MICAL3: variants seen among roughly 807,000 people sequenced by gnomAD.
MICAL3 encodes the protein [F-actin]-monooxygenase MICAL3.
MICAL3 carries 62 observed loss-of-function variants against 207.4 expected under a neutral mutation model. The ratio of observed to expected loss-of-function variants is 0.30; its 90% confidence interval spans 0.24 to 0.37. The LOEUF (loss-of-function observed/expected upper bound fraction) is 0.37, where lower values mean the gene tolerates loss of function less well. Among genes scored for constraint, MICAL3 ranks in the 10% least tolerant of loss-of-function variants. The probability of loss-of-function intolerance (pLI) is 1.00; values close to 1 mark genes in which losing one functional copy is unlikely to be tolerated. For missense variants in MICAL3, 2,368 were observed against 2,635.6 expected, an observed-to-expected ratio of 0.90 and a Z score of 2.22; for synonymous variants, 1,077 against 1,069.3, an observed-to-expected ratio of 1.01 and a Z score of -0.14.
intron 16 of MICAL3, chr22:17,875,704 G>C (rs1266535060): frequency 2.9e-6 from 1 of 341,396 alleles, no homozygotes; most frequent in Non-Finnish European, 4.8e-6. Context: ...AAAAAAAAAA[G>C]TAGCTCCAGA....
At chr22:17,810,113 G>A (rs1012519336) in intron 28 of MICAL3, among the ~76,000 whole-genome samples, 11 of 147,760 alleles carry the variant, frequency 7.4e-5, no homozygotes, top group South Asian at 2.2e-4. Context: ...CCTAGGCTGG[G>A]GTGCAGTGGC....
rs555898253 is a variant in MICAL3, at chr22:17,830,503, C to T, written c.3055+1351G>A. ...AAGCTGTGCCAGGGCTCAAAGCTGC[C>T]GAGTGATCATCATCAGATGGAGATG... On this transcript the variant is annotated intron_variant, in intron 21 of 31. Coordinates refer to ENST00000441493, the MANE Select transcript of MICAL3 (RefSeq NM_015241.3). 1.4e-3 allele frequency among the ~76,000 whole-genome samples: 212 copies of T among 152,324 alleles called. 2 individuals are homozygous for T. Among genetic ancestry groups the T allele is most frequent in the African/African-American group, 4.1e-3 (170 of 41,574 alleles).
At chr22:17,982,682 T>C (rs979953251) in intron 1 of MICAL3, among the ~76,000 whole-genome samples, 1 of 144,544 alleles carries the variant, frequency 6.9e-6, no homozygotes, top group African/African-American at 2.7e-5. Context: ...AAAAAATTCA[T>C]AACATAACAT....
chr22:17,850,399 A>ATTTTTTTTT (rs1925180634), intron 19 of MICAL3, among the ~76,000 whole-genome samples: 1 of 66,692 alleles, frequency 1.5e-5, no homozygotes, highest in Non-Finnish European at 3.1e-5. Context: ...CTTTTGAATT[A>ATTTTTTTTT]GTTTTTTTTT....
At chr22:17,875,772 T>C (rs1211418693) in intron 16 of MICAL3, among the ~76,000 whole-genome samples, 1 of 151,702 alleles carries the variant, frequency 6.6e-6, no homozygotes, top group Non-Finnish European at 1.5e-5. Flanking sequence ...TCCCTCATGC[T>C]TGCAGCAGAG....
At chr22:17,808,052 G>A (rs2062005926) in intron 29 of MICAL3, among the ~76,000 whole-genome samples, 1 of 152,268 alleles carries the variant, frequency 6.6e-6, no homozygotes, top group East Asian at 1.9e-4. Flanking sequence ...CAGCTTCAAG[G>A]TCCTGAACCA....
At chr22:17,794,092 G>A (rs374578450) in intron 29 of MICAL3, among the ~76,000 whole-genome samples, 2 of 152,332 alleles carry the variant, frequency 1.3e-5, no homozygotes, top group Non-Finnish European at 2.9e-5. Flanking sequence ...GGGGCGGGGG[G>A]CCAGAGCCAC....
rs1340229276 is a variant in MICAL3, at chr22:17,993,142, T to C, written c.-75+31139A>G. On this transcript the variant is annotated intron_variant, in intron 1 of 31. Transcript: ENST00000441493. ...TAGTTAAAATATTTCCTTTTTCCTTTTTCACAGGGAAATGAATGACTCTGA... is the reference window on the plus strand; with the variant it reads ...TAGTTAAAATATTTCCTTTTTCCTTCTTCACAGGGAAATGAATGACTCTGA... 3.3e-5 allele frequency among the ~76,000 whole-genome samples: 5 copies of C among 152,308 alleles called. No homozygotes were observed. The East Asian group carries it at 9.6e-4, about 29-fold the overall frequency.
At chr22:17,941,043 T>C (rs1168411623) in intron 1 of MICAL3, among the ~76,000 whole-genome samples, 1 of 152,170 alleles carries the variant, frequency 6.6e-6, no homozygotes, top group Non-Finnish European at 1.5e-5. Context: ...GATGCTCAGT[T>C]ATGCCTAGGC....
chr22:17,880,793 C>T (rs1237230112), intron 16 of MICAL3, among the ~76,000 whole-genome samples: 2 of 152,144 alleles, frequency 1.3e-5, no homozygotes, highest in African/African-American at 4.8e-5. Context: ...TCAGAAGGAA[C>T]GAAACTCACG....
At position 17,998,279 on chromosome 22, in the gene MICAL3, C is replaced by T. The variant is rs1276760235; in HGVS notation, c.-75+26002G>A. Among the ~76,000 whole-genome samples the T allele has an allele frequency of 9.5e-5, 8 of 84,226 alleles. No homozygotes were observed. The South Asian group carries it at 1.2e-3, about 13-fold the overall frequency. 55.3% of individuals were successfully genotyped at this position (84,226 alleles called of 152,430 possible). ...CTGCGCCATTGCACTCCAGACTGGGCGCGACAGAGCAAGAGACTCCGTCTC... is the reference window on the plus strand; with the variant it reads ...CTGCGCCATTGCACTCCAGACTGGGTGCGACAGAGCAAGAGACTCCGTCTC... On this transcript the variant is annotated intron_variant, in intron 1 of 31. Transcript: ENST00000441493.
At chr22:17,867,696 T>C (rs1353056325) in intron 17 of MICAL3, among the ~76,000 whole-genome samples, 3 of 152,074 alleles carry the variant, frequency 2.0e-5, no homozygotes, top group Non-Finnish European at 1.5e-5. Flanking sequence ...GGAGACGTTA[T>C]GGGGATGGTG....
At chr22:17,842,119 G>C in intron 19 of MICAL3, 102 bp from the exon 20 acceptor site, 2 of 1,155,706 alleles carry the variant, frequency 1.7e-6, no homozygotes, top group Admixed American at 4.2e-5. Context: ...CCAGAATGTG[G>C]GGCAGGACAA....
Position 17,821,454 on chromosome 22 carries a change from G to A in MICAL3, c.3504C>T (p.Phe1168=). The A allele has an allele frequency of 6.5e-7, 1 of 1,545,900 alleles. No homozygotes were observed. Among genetic ancestry groups the A allele is most frequent in the Non-Finnish European group, 8.7e-7 (1 of 1,145,694 alleles). ...CTGTTGAGGGGCTGTGGACTGGAAT[G>A]AACAGAAGAGCTGATTCCTGGGGAG... ...IRSPQESALL[F]IPVHSPSTEG... The change falls in exon 25 of 32, where the codon TTC becomes TTT. Residue 1168 remains phenylalanine, a synonymous_variant. Transcript: ENST00000441493.
chr22:17,869,035 C>T (rs1043856682), intron 17 of MICAL3, among the ~76,000 whole-genome samples: 2 of 152,178 alleles, frequency 1.3e-5, no homozygotes, highest in Non-Finnish European at 2.9e-5. Context: ...AGGCGTCTCA[C>T]CCTGTGGAGA....
chr22:17,791,909 C>T (rs986620187), intron 29 of MICAL3, among the ~76,000 whole-genome samples: 2 of 152,256 alleles, frequency 1.3e-5, no homozygotes, highest in Admixed American at 6.5e-5. Context: ...CGATGCAGGG[C>T]ATCTCAGGAT....
intron 1 of MICAL3, among the ~76,000 whole-genome samples, chr22:17,980,255 G>A (rs1450556583): frequency 6.6e-6 from 1 of 152,216 alleles, no homozygotes; most frequent in Non-Finnish European, 1.5e-5. Flanking sequence ...AGCAGCTCAG[G>A]GCAGGGGAAT....
intron 1 of MICAL3, among the ~76,000 whole-genome samples, chr22:18,016,881 A>T (rs907213352): frequency 9.2e-5 from 14 of 151,986 alleles, no homozygotes; most frequent in Non-Finnish European, 1.6e-4. Context: ...CGGAGCTCGC[A>T]GTGAACCAAG....
chr22:17,921,551 C>T (rs910719009), intron 1 of MICAL3, among the ~76,000 whole-genome samples: 9 of 152,116 alleles, frequency 5.9e-5, no homozygotes, highest in South Asian at 2.1e-4. Flanking sequence ...TGCAGTGGTG[C>T]GATCTCAGCT....
Sources: allele counts gnomAD v4.1 joint callset (sites outside exome capture counted in the v4.1 genomes callset), GRCh38; gene constraint gnomAD v4.1.1; transcripts MANE v1.5; gene names NCBI Gene and HGNC (gene_info 2026-07-23, HGNC 2026-07-21).